DLEU7: variants seen among roughly 807,000 people sequenced by gnomAD.
The protein encoded by DLEU7 is leukemia-associated protein 7.
Under a neutral mutation model 16.0 loss-of-function variants are expected in DLEU7, and 17 were observed. The observed-to-expected ratio is 1.06, with a 90% confidence interval of 0.73 to 1.59. DLEU7 has a LOEUF of 1.59. Among genes scored for constraint, DLEU7 ranks in the 40% most tolerant of loss-of-function variants. The pLI is 0.00. For synonymous variants in DLEU7, 113 were observed against 139.8 expected, an observed-to-expected ratio of 0.81 and a Z score of 1.35; for missense variants, 308 against 314.9, an observed-to-expected ratio of 0.98 and a Z score of 0.17.
At chr13:50,769,190 C>A (rs1875219140) in intron 1 of DLEU7, among the ~76,000 whole-genome samples, 1 of 152,134 alleles carries the variant, frequency 6.6e-6, no homozygotes, top group Admixed American at 6.5e-5. Flanking sequence ...AATATTAGCC[C>A]TTTGACAGAT....
Position 50,838,654 on chromosome 13 carries a change from A to T in DLEU7, c.459+4534T>A, listed in dbSNP as rs566576515. The stretch of plus-strand genomic sequence containing the variant: ...TATATCAGGTGGCCATGATGGAAGG[A>T]GGTACAGAGATCATCCAGTGTTATG... On this transcript the variant is annotated intron_variant, in intron 1 of 1. Coordinates refer to ENST00000504404, the MANE Select transcript of DLEU7 (RefSeq NM_001306135.2). 5.3e-5 allele frequency among the ~76,000 whole-genome samples: 8 copies of T among 152,320 alleles called. No homozygotes were observed. In the South Asian group the frequency reaches 8.3e-4, roughly 16 times the overall value.
intron 1 of DLEU7, among the ~76,000 whole-genome samples, chr13:50,744,436 T>G (rs930177653): frequency 3.3e-5 from 5 of 152,358 alleles, no homozygotes; most frequent in African/African-American, 1.2e-4. Flanking sequence ...AACTCCTGAC[T>G]GGCTTTTGAC....
intron 1 of DLEU7, among the ~76,000 whole-genome samples, chr13:50,795,043 T>C (rs986306985): frequency 6.1e-5 from 2 of 32,716 alleles, no homozygotes; most frequent in African/African-American, 2.2e-4. Flanking sequence ...CTATTACTGA[T>C]GGGGTTGGCT....
chr13:50,822,163 C>A (rs926070782), downstream of DLEU7, among the ~76,000 whole-genome samples: 1 of 152,076 alleles, frequency 6.6e-6, no homozygotes, highest in Non-Finnish European at 1.5e-5. Context: ...TGGTCAGTTA[C>A]GTCCAAAGAG....
At chr13:50,718,159 A>G (rs149076900) in intron 1 of DLEU7, among the ~76,000 whole-genome samples, 171 of 152,348 alleles carry the variant, frequency 1.1e-3, no homozygotes, top group African/African-American at 3.9e-3. Flanking sequence ...AATGTGCTCC[A>G]GGTTAAAAAA....
intron 1 of DLEU7, among the ~76,000 whole-genome samples, chr13:50,824,463 G>A (rs1310933434): frequency 6.6e-6 from 1 of 152,078 alleles, no homozygotes; most frequent in African/African-American, 2.4e-5. Flanking sequence ...AATAAAAATA[G>A]GGCAAACATC....
intron 1 of DLEU7, among the ~76,000 whole-genome samples, chr13:50,790,652 G>T (rs531901898): frequency 1.3e-5 from 2 of 152,044 alleles, no homozygotes; most frequent in African/African-American, 4.8e-5. Flanking sequence ...TGTGGGATGC[G>T]AGGGGTGTGG....
At chr13:50,782,155 C>T (rs867846406) in intron 1 of DLEU7, among the ~76,000 whole-genome samples, 2 of 152,182 alleles carry the variant, frequency 1.3e-5, no homozygotes, top group African/African-American at 4.8e-5. Context: ...TGACTCCTCA[C>T]ATATCTAGAA....
At chr13:50,830,301 C>T (rs1222931554) in intron 1 of DLEU7, among the ~76,000 whole-genome samples, 2 of 152,220 alleles carry the variant, frequency 1.3e-5, no homozygotes. Flanking sequence ...CTGTTTAACT[C>T]AGCTAAATGA....
chr13:50,760,967 A>G (rs149086721), intron 1 of DLEU7, among the ~76,000 whole-genome samples: 111 of 152,228 alleles, frequency 7.3e-4, no homozygotes, highest in Admixed American at 2.3e-3. Context: ...GCAGTCAAGA[A>G]CAGCATGTCT....
chr13:50,767,601 G>A (rs1466298344), intron 1 of DLEU7, among the ~76,000 whole-genome samples: 1 of 152,086 alleles, frequency 6.6e-6, no homozygotes, highest in African/African-American at 2.4e-5. Context: ...GTCTTCCCCA[G>A]TGGAGCTCTA....
chr13:50,825,053 T>C (rs900629668), intron 1 of DLEU7, among the ~76,000 whole-genome samples: 2 of 152,210 alleles, frequency 1.3e-5, no homozygotes, highest in Non-Finnish European at 2.9e-5. Flanking sequence ...GAGATGAAAC[T>C]GTGAAACTGT....
At chr13:50,799,072 G>A (rs1876178243) in intron 1 of DLEU7, among the ~76,000 whole-genome samples, 1 of 152,156 alleles carries the variant, frequency 6.6e-6, no homozygotes, top group African/African-American at 2.4e-5. Flanking sequence ...GCCAGAACAG[G>A]GTCCCTATTC....
intron 1 of DLEU7, among the ~76,000 whole-genome samples, chr13:50,714,740 A>T (rs1873391631): frequency 6.6e-6 from 1 of 152,192 alleles, no homozygotes; most frequent in South Asian, 2.1e-4. Context: ...TACGCAAATA[A>T]GAGGGGGCCT....
chr13:50,842,107 G>A (rs900836310), intron 1 of DLEU7, among the ~76,000 whole-genome samples: 3 of 152,042 alleles, frequency 2.0e-5, no homozygotes, highest in African/African-American at 4.8e-5. Context: ...AGGTCAAAAT[G>A]TGAATAGTAC....
At chr13:50,822,269 T>C (rs1289471785), downstream of DLEU7, among the ~76,000 whole-genome samples, 2 of 152,192 alleles carry the variant, frequency 1.3e-5, no homozygotes, top group Non-Finnish European at 2.9e-5. Flanking sequence ...CTTTGATTAC[T>C]ATTAACACCT....
rs187782616 is a variant in DLEU7, at chr13:50,826,870, C to A, written c.460-3350G>T. On this transcript the variant is annotated intron_variant, in intron 1 of 1. Transcript: ENST00000504404. ...AGAGAAGACAATGGAATAATAGCTT[C>A]AAATAACTGTCAACCTAGAATTTTT... 1.0e-3 allele frequency among the ~76,000 whole-genome samples: 156 copies of A among 152,222 alleles called. 1 individual carries two copies. Among genetic ancestry groups the A allele is most frequent in the African/African-American group, 3.5e-3 (145 of 41,540 alleles).
chr13:50,807,127 AAG>A (rs1035555440), intron 1 of DLEU7, among the ~76,000 whole-genome samples: 9 of 151,558 alleles, frequency 5.9e-5, no homozygotes, highest in East Asian at 1.9e-4. Flanking sequence ...TTAATTTTTA[AAG>A]AGAGTTTAGA....
chr13:50,721,378 A>T (rs1873606967), intron 1 of DLEU7, among the ~76,000 whole-genome samples: 1 of 152,092 alleles, frequency 6.6e-6, no homozygotes, highest in Admixed American at 6.6e-5. Context: ...TCACCTTGTG[A>T]TCGTGTGAGT....
Sources: allele counts gnomAD v4.1 joint callset (sites outside exome capture counted in the v4.1 genomes callset), GRCh38; gene constraint gnomAD v4.1.1; transcripts MANE v1.5; gene names NCBI Gene and HGNC (gene_info 2026-07-23, HGNC 2026-07-21).